Variants in PDLIM7 observed in about 807,000 individuals in gnomAD.
PDLIM7 encodes the protein PDZ and LIM domain 7.
A neutral mutation model predicts 53.9 loss-of-function variants in PDLIM7; 37 were observed. That is an observed-to-expected ratio of 0.69 (90% confidence interval 0.53 to 0.90). PDLIM7 has a LOEUF of 0.90. Ranked by LOEUF, PDLIM7 falls within the 40% of genes least tolerant of loss-of-function variation. The pLI is 0.00. For missense variants in PDLIM7, 617 were observed against 638.5 expected (o/e 0.97, Z 0.36); for synonymous variants, 300 against 261.3 (o/e 1.15, Z -1.43).
chr5:177,491,448 G>A lies in PDLIM7; in HGVS notation c.399-302C>T, dbSNP rs897327328. On this transcript the variant is annotated intron_variant, in intron 5 of 12. Coordinates refer to ENST00000355841, the MANE Select transcript of PDLIM7 (RefSeq NM_005451.5). ...GTGAAGGAAATAAGACAGACAGACA[G>A]ATAAAGGGACAAAGGGACAGACACA... 5.9e-6 allele frequency: 9 copies of A among 1,530,192 alleles called. No homozygotes were observed. The South Asian group carries it at 9.6e-5, about 16-fold the overall frequency. 94.8% of individuals were successfully genotyped at this position (1,530,192 alleles called of 1,614,324 possible). A position where few individuals can be genotyped will look rare whatever the true frequency, so the allele number is the denominator to read the frequency against.
At chr5:177,486,929 C>T (rs1352107622) in intron 10 of PDLIM7, among the ~76,000 whole-genome samples, 1 of 125,300 alleles carries the variant, frequency 8.0e-6, no homozygotes, top group Non-Finnish European at 1.6e-5. Flanking sequence ...CCGTGCCTGG[C>T]CCTTTTTTTT....
chr5:177,491,000 T>C lies in PDLIM7; in HGVS notation c.535+10A>G. 6.2e-7 allele frequency: 1 copy of C among 1,613,780 alleles called. No individual in the cohort carries two copies. Among genetic ancestry groups the C allele is most frequent in the Non-Finnish European group, 8.5e-7 (1 of 1,179,840 alleles). On this transcript the variant is annotated intron_variant, in intron 6 of 12. Coordinates refer to ENST00000355841, the MANE Select transcript of PDLIM7 (RefSeq NM_005451.5). ...GAGGAAAGTACCCCCTGCCCTGGGC[T>C]GGCACTTACTGAACTCGGTGCCTGT...
chr5:177,488,376 T>C, intron 9 of PDLIM7, 128 bp from the exon 10 acceptor site: 2 of 721,302 alleles, frequency 2.8e-6, no homozygotes, highest in South Asian at 3.8e-5. Context: ...ATTTTCCACA[T>C]AGGATAGAAG....
Position 177,491,874 on chromosome 5 carries a change from A to C in PDLIM7, c.331T>G (p.Ser111Ala). Residue 111 changes from serine to alanine, a missense_variant, in exon 5 of 13, where the codon TCC becomes GCC. Coordinates refer to ENST00000355841, the MANE Select transcript of PDLIM7 (RefSeq NM_005451.5). ...AAGGGCCGGGCCGTCTTGTTGAGGG[A>C]GACGCTGGGTGCAAAGGTGTACCGC... ...PPRYTFAPSV[S>A]LNKTARPFGA... The C allele has an allele frequency of 5.6e-6, 7 of 1,255,452 alleles. No homozygotes were observed. Among genetic ancestry groups the C allele is most frequent in the Non-Finnish European group, 7.0e-6 (7 of 996,188 alleles). The allele number at this position is 1,255,452 out of a possible 1,614,324, so 77.8% of individuals were successfully genotyped here.
chr5:177,491,518 G>A, intron 5 of PDLIM7: 1 of 981,438 alleles, frequency 1.0e-6, no homozygotes. Context: ...CCGGGGACAA[G>A]GCGGCACTGA....
At chr5:177,495,238 C>CCA (rs1759008894) in intron 2 of PDLIM7, 1 of 152,466 alleles carries the variant, frequency 6.6e-6, no homozygotes, top group African/African-American at 2.4e-5. Context: ...CAGGAGAATG[C>CCA]CATCAAAGGA....
intron 2 of PDLIM7, among the ~76,000 whole-genome samples, chr5:177,494,834 C>T (rs1484641122): frequency 1.3e-5 from 2 of 152,158 alleles, no homozygotes; most frequent in East Asian, 1.9e-4. Flanking sequence ...CCTCATCTCC[C>T]AGGCCTGGGC....
At chr5:177,495,924 T>G (rs953843219) in intron 2 of PDLIM7, among the ~76,000 whole-genome samples, 1 of 151,842 alleles carries the variant, frequency 6.6e-6, no homozygotes, top group East Asian at 1.9e-4. Flanking sequence ...GTGCCTCAAT[T>G]CCAATCCCTG....
chr5:177,489,457 C>G lies in PDLIM7; in HGVS notation c.805G>C (p.Val269Leu), dbSNP rs1457885287. The G allele has an allele frequency of 1.2e-6, 2 of 1,604,618 alleles. No homozygotes were observed. The highest frequency in any genetic ancestry group is 1.7e-6 in the Non-Finnish European group (2 of 1,176,470). Residue 269 changes from valine (V) to leucine (L), a missense_variant, in exon 9 of 13, where the codon GTG becomes CTG. Physicochemically the swap from Val to Leu is conservative, Grantham distance 32. Coordinates refer to ENST00000355841, the MANE Select transcript of PDLIM7 (RefSeq NM_005451.5). The stretch of plus-strand genomic sequence containing the variant: ...CCGTTGTTGCTGCCCCCTCCTGGCA[C>G]CCCTCCGGCAGCTGCCTGCACAATG... ...TSIVQAAAGG[V>L]PGGGSNNGKT... is the part of the protein sequence containing the mutation.
At chr5:177,491,180 G>A (rs1452038888) in intron 5 of PDLIM7, 34 bp from the exon 6 acceptor site, 14 of 1,574,180 alleles carry the variant, frequency 8.9e-6, no homozygotes, top group Non-Finnish European at 1.2e-5. Flanking sequence ...ACCCCACACT[G>A]GGGGTGGGCG....
intron 2 of PDLIM7, 68 bp downstream of exon 2, chr5:177,496,349 C>A: frequency 8.3e-7 from 1 of 1,201,506 alleles, no homozygotes. Context: ...GGACTCCCCC[C>A]ATCACCCTCT....
intron 1 of PDLIM7, 176 bp from the exon 2 acceptor site, chr5:177,496,699 C>T (rs977281683): frequency 1.2e-5 from 5 of 429,890 alleles, no homozygotes; most frequent in African/African-American, 4.1e-5. Context: ...TGCTGGCTGG[C>T]GGACCTCACT....
intron 10 of PDLIM7, among the ~76,000 whole-genome samples, chr5:177,487,404 G>A (rs181345745): frequency 7.9e-5 from 12 of 152,366 alleles, no homozygotes; most frequent in South Asian, 2.1e-4. Flanking sequence ...AAGGATGGAC[G>A]CCATGGGGCT....
At chr5:177,490,480 G>A (rs756990717) in intron 7 of PDLIM7, 6 of 1,548,472 alleles carry the variant, frequency 3.9e-6, no homozygotes, top group African/African-American at 1.4e-5. Flanking sequence ...GAGGGCAGCC[G>A]GCTGGAGAGG....
chr5:177,491,780 G>A, intron 5 of PDLIM7, 27 bp downstream of exon 5: 1 of 1,096,100 alleles, frequency 9.1e-7, no homozygotes, highest in South Asian at 3.3e-5. Context: ...TGATGGCGTG[G>A]GCGCGGGCGG....
intron 7 of PDLIM7, chr5:177,490,558 T>C (rs1327052102): frequency 6.4e-7 from 1 of 1,561,112 alleles, no homozygotes; most frequent in Non-Finnish European, 8.7e-7. Context: ...GAGGCGGGTG[T>C]AGCGTGGGCT....
chr5:177,489,892 C>A (rs759068219), intron 7 of PDLIM7, 60 bp from the exon 8 acceptor site: 147 of 1,545,786 alleles, frequency 9.5e-5, no homozygotes, highest in Non-Finnish European at 1.2e-4. Flanking sequence ...GCCCCACCCC[C>A]CAACCTGGGT....
At position 177,488,145 on chromosome 5, in the gene PDLIM7, C is replaced by T; in HGVS notation, c.973G>A (p.Gly325Ser). The T allele has an allele frequency of 6.2e-7, 1 of 1,613,430 alleles. No homozygotes were observed. Among genetic ancestry groups the T allele is most frequent in the Non-Finnish European group, 8.5e-7 (1 of 1,179,956 alleles). Residue 325 changes from glycine to serine, a missense_variant, in exon 10 of 13, where the codon GGC (glycine) becomes AGC (serine). Gly to Ser is a moderately conservative substitution (Grantham distance 56). Coordinates refer to ENST00000355841, the MANE Select transcript of PDLIM7 (RefSeq NM_005451.5). ...LEEGGFFEEKGAIFCPPCYDV... is the reference protein window; with the variant it reads ...LEEGGFFEEKSAIFCPPCYDV... ...TAGCATGGTGGGCAGAAGATGGCGC[C>T]CTTCTCCTCAAAGAAGCCACCCTCT...
rs1227706684 is a variant in PDLIM7 at position 177,496,397 on chromosome 5, C to T, written c.96+20G>A. 1.3e-6 allele frequency: 2 copies of T among 1,533,590 alleles called. No homozygotes were observed. Among genetic ancestry groups the T allele is most frequent in the East Asian group, 4.9e-5 (2 of 41,014 alleles). 95.0% of individuals were successfully genotyped at this position (1,533,590 alleles called of 1,614,324 possible). A position where few individuals can be genotyped will look rare whatever the true frequency, so the allele number is the denominator to read the frequency against. ...ACCGAAAGACCGCTGGGGGAGCCCC[C>T]TCCCCAAACCTAGGCTCACCCGGGA... On this transcript the variant is annotated intron_variant, in intron 2 of 12. Coordinates refer to ENST00000355841, the MANE Select transcript of PDLIM7 (RefSeq NM_005451.5).
Sources: allele counts gnomAD v4.1 joint callset (sites outside exome capture counted in the v4.1 genomes callset), GRCh38; gene constraint gnomAD v4.1.1; transcripts MANE v1.5; gene names NCBI Gene and HGNC (gene_info 2026-07-23, HGNC 2026-07-21).